ZNF75A: variants seen among roughly 807,000 people sequenced by gnomAD.
The protein encoded by ZNF75A is zinc finger protein 75A.
A neutral mutation model predicts 46.3 loss-of-function variants in ZNF75A; 36 were observed. The ratio of observed to expected loss-of-function variants is 0.78; its 90% CI spans 0.60 to 1.03. The LOEUF is 1.03. ZNF75A is among the 50% of genes least tolerant of loss of function. The pLI is 0.00. For synonymous variants in ZNF75A, 234 were observed against 189.9 expected, an observed-to-expected ratio of 1.23 and a Z score of -1.91; for missense variants, 595 against 551.3, an observed-to-expected ratio of 1.08 and a Z score of -0.79.
intron 3 of ZNF75A, chr16:3,312,371 G>C (rs1188443512): frequency 6.6e-6 from 1 of 152,194 alleles, no homozygotes; most frequent in Non-Finnish European, 1.5e-5. Context: ...CCATACAGTG[G>C]AGTCCCTGAG....
chr16:3,309,416 C>G (rs373935751), intron 2 of ZNF75A: 5 of 144,612 alleles, frequency 3.5e-5, no homozygotes, highest in African/African-American at 5.2e-5. Context: ...CACCATTGCA[C>G]TCCAGCCTGG....
chr16:3,323,288 C>G, downstream of ZNF75A: 1 of 882,112 alleles, frequency 1.1e-6, no homozygotes, highest in Non-Finnish European at 1.9e-6. Flanking sequence ...CATGATGGAC[C>G]ACTGAGAGGT....
At chr16:3,322,159 T>C (rs1398414416), downstream of ZNF75A, among the ~76,000 whole-genome samples, 1 of 152,172 alleles carries the variant, frequency 6.6e-6, no homozygotes, top group Non-Finnish European at 1.5e-5. Context: ...ATGTAGACTC[T>C]CTGAAGTCCC....
rs1461654820 is a variant in ZNF75A at position 3,317,915 on chromosome 16, G to C, written c.*46G>C. On this transcript the variant is annotated 3_prime_UTR_variant, in exon 7 of 7. Transcript: ENST00000669516. ...CTCATTCTGAAGACATTCACCAAAT[G>C]GAGCTTGGCACTAAAATTTATGTAA... 1.2e-5 allele frequency: 18 copies of C among 1,513,594 alleles called. No individual in the cohort carries two copies. The highest frequency in any genetic ancestry group is 1.4e-5 in the Non-Finnish European group (16 of 1,132,140). 93.8% of individuals were successfully genotyped at this position (1,513,594 alleles called of 1,614,324 possible).
chr16:3,311,053 T>G, intron 2 of ZNF75A: 1 of 654,944 alleles, frequency 1.5e-6, no homozygotes, highest in Non-Finnish European at 1.9e-6. Context: ...TAAATTCATT[T>G]ATTTGAATTT....
At chr16:3,315,175 A>C (rs991816807) in intron 5 of ZNF75A, 6 of 761,194 alleles carry the variant, frequency 7.9e-6, no homozygotes, top group Non-Finnish European at 9.6e-6. Context: ...CAGGGCAAAC[A>C]AAGTACTGTC....
chr16:3,313,033 C>T lies in ZNF75A; in HGVS notation c.697-16C>T, dbSNP rs1960929662. On this transcript the variant is annotated splice_polypyrimidine_tract_variant and intron_variant, in intron 4 of 6. Coordinates refer to ENST00000669516, the MANE Select transcript of ZNF75A (RefSeq NM_001302109.2). ...ACAGTGGCAGGTTCTGAGCTGAAGT[C>T]CATTCTCTTCTTTAGAGCTTGTTGA... The T allele has an allele frequency of 6.2e-7, 1 of 1,606,596 alleles. No individual in the cohort carries two copies. The highest frequency in any genetic ancestry group is 1.7e-5 in the Admixed American group (1 of 59,232).
chr16:3,323,171 G>T (rs1241547134), downstream of ZNF75A: 3 of 619,214 alleles, frequency 4.8e-6, no homozygotes, highest in South Asian at 3.5e-5. Flanking sequence ...ATTTACTGCA[G>T]TTTGGCACCT....
At chr16:3,320,545 A>C (rs548711762), downstream of ZNF75A, among the ~76,000 whole-genome samples, 4 of 152,336 alleles carry the variant, frequency 2.6e-5, no homozygotes, top group South Asian at 8.3e-4. Context: ...ATAGGGAAGA[A>C]AGACATTGCT....
Position 3,317,989 on chromosome 16 carries a change from A to G in ZNF75A, c.*120A>G. On this transcript the variant is annotated 3_prime_UTR_variant, in exon 7 of 7. Coordinates refer to ENST00000669516, the MANE Select transcript of ZNF75A (RefSeq NM_001302109.2). ...AATTTTACATCAGAAAATGGGATAAACATACATTTCACAGAAAATAATCAA... is the reference window on the plus strand; with the variant it reads ...AATTTTACATCAGAAAATGGGATAAGCATACATTTCACAGAAAATAATCAA... 7.0e-7 allele frequency: 1 copy of G among 1,437,472 alleles called. No individual in the cohort carries two copies. 89.0% of individuals were successfully genotyped at this position (1,437,472 alleles called of 1,614,324 possible).
intron 2 of ZNF75A, among the ~76,000 whole-genome samples, chr16:3,311,391 T>C: frequency 6.6e-6 from 1 of 151,330 alleles, no homozygotes; most frequent in South Asian, 2.1e-4. Context: ...TGAGCCGAGA[T>C]TATGCCTTTG....
intron 1 of ZNF75A, chr16:3,305,891 C>G (rs1051565850): frequency 1.3e-5 from 2 of 152,276 alleles, no homozygotes; most frequent in Non-Finnish European, 2.9e-5. Context: ...ACGGGCACGC[C>G]TGTCGCAGAC....
At chr16:3,310,772 C>T (rs1212421711) in intron 2 of ZNF75A, 1 of 985,278 alleles carries the variant, frequency 1.0e-6, no homozygotes, top group Non-Finnish European at 1.2e-6. Flanking sequence ...GGGTAATGTC[C>T]TCCCTATAGT....
At chr16:3,319,303 C>G (rs543026524), downstream of ZNF75A, among the ~76,000 whole-genome samples, 2 of 151,998 alleles carry the variant, frequency 1.3e-5, no homozygotes, top group African/African-American at 4.8e-5. Flanking sequence ...TTAGTAGAGA[C>G]GGGGTTTCAC....
chr16:3,320,895 G>A (rs1009616546), downstream of ZNF75A, among the ~76,000 whole-genome samples: 3 of 152,150 alleles, frequency 2.0e-5, no homozygotes, highest in Non-Finnish European at 2.9e-5. Flanking sequence ...AAGGGATGAC[G>A]GACAACTGGG....
Position 3,317,019 on chromosome 16 carries a change from A to G in ZNF75A, c.931A>G (p.Thr311Ala). 1 of 1,612,274 alleles carries G rather than the reference A, an allele frequency of 6.2e-7. No homozygotes were observed. Among genetic ancestry groups the G allele is most frequent in the Non-Finnish European group, 8.5e-7 (1 of 1,178,378 alleles). Reference sequence around the variant, plus strand: ...TAAGGATAGTGCCGGAAAATCTCCTACAGGTAAATATACCATGGGAAGTGG... The same window carrying G: ...TAAGGATAGTGCCGGAAAATCTCCTGCAGGTAAATATACCATGGGAAGTGG... ...EFKDSAGKSPTGLKLKNDTEN... is the reference protein window; with the variant it reads ...EFKDSAGKSPAGLKLKNDTEN... The change falls in exon 6 of 7, where the codon ACA (threonine) becomes GCA (alanine). Residue 311 changes from threonine (T) to alanine (A), a missense_variant. Coordinates refer to ENST00000669516, the MANE Select transcript of ZNF75A (RefSeq NM_001302109.2).
Position 3,317,418 on chromosome 16 carries a change from T to G in ZNF75A, c.1163T>G (p.Leu388Arg). The change falls in exon 7 of 7, where the codon CTT becomes CGT. Residue 388 changes from leucine to arginine, a missense_variant. Leu to Arg is a moderately radical substitution (Grantham distance 102). Transcript: ENST00000669516. ...ACCTGGAAACAAGAGCTGCTCAAAC[T>G]TATGGATCGTCACAAGAAAGATTGT... ...LSTWKQELLK[L>R]MDRHKKDCAR... is the part of the protein sequence containing the mutation. 4 of 1,614,140 alleles carry G rather than the reference T, an allele frequency of 2.5e-6. No homozygotes were observed. Among genetic ancestry groups the G allele is most frequent in the Non-Finnish European group, 3.4e-6 (4 of 1,180,022 alleles).
intron 2 of ZNF75A, 63 bp from the exon 3 acceptor site, chr16:3,311,690 C>G: frequency 1.1e-6 from 1 of 935,788 alleles, no homozygotes; most frequent in Non-Finnish European, 1.3e-6. Context: ...ACCTGTCGCT[C>G]TGCCTCCACC....
At chr16:3,314,835 T>C (rs1157055786) in intron 5 of ZNF75A, 2 of 985,272 alleles carry the variant, frequency 2.0e-6, no homozygotes, top group African/African-American at 3.5e-5. Context: ...TCTACAATGA[T>C]GTAATGCAGG....
Sources: allele counts gnomAD v4.1 joint callset (sites outside exome capture counted in the v4.1 genomes callset), GRCh38; gene constraint gnomAD v4.1.1; transcripts MANE v1.5; gene names NCBI Gene and HGNC (gene_info 2026-07-23, HGNC 2026-07-21).